Variants in DHX57 observed in about 807,000 individuals in gnomAD.
DHX57 encodes DExH-box helicase 57.
In DHX57, 105 loss-of-function variants were observed where a neutral mutation model predicts 156.2. That is an observed-to-expected ratio of 0.67 (90% CI 0.57 to 0.79). The LOEUF (loss-of-function observed/expected upper bound fraction) is 0.79, where lower values mean the gene tolerates loss of function less well. Among genes scored for constraint, DHX57 ranks in the 30% least tolerant of loss-of-function variants. The pLI is 0.00. For missense variants in DHX57, 1,847 were observed against 1,661.9 expected, an observed-to-expected ratio of 1.11 and a Z score of -1.94; for synonymous variants, 704 against 595.6, an observed-to-expected ratio of 1.18 and a Z score of -2.65.
At position 38,868,377 on chromosome 2, in the gene DHX57, T is replaced by G. The variant is rs754210493; in HGVS notation, c.29A>C (p.Lys10Thr). The G allele has an allele frequency of 1.2e-6, 2 of 1,613,502 alleles. No homozygotes were observed. Among genetic ancestry groups the G allele is most frequent in the East Asian group, 4.5e-5 (2 of 44,884 alleles). Reference sequence around the variant, plus strand: ...CCCTTTTCCACCTCCTTTGCCTGGCTTGCCTTTTCTTCTTACTGAAGAACT... The same window carrying G: ...CCCTTTTCCACCTCCTTTGCCTGGCGTGCCTTTTCTTCTTACTGAAGAACT... The part of the protein sequence containing the change: MSSSVRRKG[K>T]PGKGGGKGSS... The change falls in exon 2 of 24, where the codon AAG becomes ACG. Residue 10 changes from lysine to threonine, a missense_variant. Transcript: ENST00000457308.
intron 4 of DHX57, 45 bp from the exon 5 acceptor site, chr2:38,861,882 A>G: frequency 6.6e-7 from 1 of 1,518,486 alleles, no homozygotes; most frequent in Non-Finnish European, 8.9e-7. Context: ...AAAAAGCAGT[A>G]TCACACCATT....
At chr2:38,828,565 T>C in intron 13 of DHX57, 129 bp from the exon 14 acceptor site, 1 of 611,040 alleles carries the variant, frequency 1.6e-6, no homozygotes, top group Non-Finnish European at 2.7e-6. Context: ...AAGCTGTTTT[T>C]AACCAAAATA....
chr2:38,850,936 G>C (rs961693770), intron 9 of DHX57, among the ~76,000 whole-genome samples: 2 of 152,098 alleles, frequency 1.3e-5, no homozygotes, highest in Non-Finnish European at 2.9e-5. Flanking sequence ...AATTAGCCAG[G>C]CCTGGTGGCG....
chr2:38,805,892 T>A (rs1014684138), intron 22 of DHX57, among the ~76,000 whole-genome samples: 5 of 152,132 alleles, frequency 3.3e-5, no homozygotes, highest in Non-Finnish European at 7.4e-5. Context: ...AGTGCTGTTG[T>A]GCCTTTGGTG....
intron 17 of DHX57, among the ~76,000 whole-genome samples, 174 bp from the exon 18 acceptor site, chr2:38,819,318 G>T (rs1323349646): frequency 6.6e-6 from 1 of 152,092 alleles, no homozygotes; most frequent in Non-Finnish European, 1.5e-5. Flanking sequence ...GGGACTATAG[G>T]TGTGCCCCAT....
chr2:38,828,017 C>A (rs1671190920), intron 14 of DHX57, among the ~76,000 whole-genome samples: 1 of 152,106 alleles, frequency 6.6e-6, no homozygotes, highest in Non-Finnish European at 1.5e-5. Context: ...CCACCACACC[C>A]AGCTAATTTT....
In DHX57 at chr2:38,798,356, C is replaced by G; in HGVS notation, c.4104G>C (p.Thr1368=). The change falls in exon 24 of 24, where the codon ACG becomes ACC. Residue 1368 remains threonine (T), a synonymous_variant. Coordinates refer to ENST00000457308, the MANE Select transcript of DHX57 (RefSeq NM_198963.3). ...TGATGATCCGGGATCCTCGAGGACA[C>G]GTACACAGATCAATGCTTGGGTTTT... is the stretch of plus-strand genomic sequence containing the variant. ...KIKNPSIDLC[T]CPRGSRIIST... 1.2e-6 allele frequency: 2 copies of G among 1,614,108 alleles called. No individual in the cohort carries two copies. Among genetic ancestry groups the G allele is most frequent in the South Asian group, 1.1e-5 (1 of 91,068 alleles).
At chr2:38,853,812 G>A in intron 9 of DHX57, 1 of 299,520 alleles carries the variant, frequency 3.3e-6, no homozygotes, top group Admixed American at 4.6e-5. Context: ...AGGATGGTGT[G>A]AAGTATACCT....
At chr2:38,854,201 A>G in intron 8 of DHX57, 23 bp from the exon 9 acceptor site, 1 of 1,603,606 alleles carries the variant, frequency 6.2e-7, no homozygotes, top group Non-Finnish European at 8.5e-7. Context: ...AGGGCAATAT[A>G]AATCATTAAT....
At chr2:38,841,710 G>A (rs1226419223) in intron 12 of DHX57, among the ~76,000 whole-genome samples, 1 of 152,142 alleles carries the variant, frequency 6.6e-6, no homozygotes, top group Non-Finnish European at 1.5e-5. Context: ...GGAGCAAGAA[G>A]GACAGCTGAG....
chr2:38,830,461 C>T lies in DHX57; in HGVS notation c.2543-2025G>A, dbSNP rs377042935. Among the ~76,000 whole-genome samples the T allele has an allele frequency of 3.2e-4, 48 of 152,116 alleles. 1 individual carries two copies. The South Asian group carries it at 1.0e-2, about 32-fold the overall frequency. ...TGACCAACATGGTGAAACCCCATCT[C>T]TACTAAAAATACAAAAATTAGCCTG... is the stretch of plus-strand genomic sequence containing the variant. On this transcript the variant is annotated intron_variant, in intron 13 of 23. Coordinates refer to ENST00000457308, the MANE Select transcript of DHX57 (RefSeq NM_198963.3).
intron 19 of DHX57, among the ~76,000 whole-genome samples, chr2:38,818,492 C>T (rs1670655197): frequency 6.6e-6 from 1 of 152,170 alleles, no homozygotes; most frequent in Non-Finnish European, 1.5e-5. Flanking sequence ...CGCACCACTG[C>T]ATTCCAGCCT....
chr2:38,862,216 A>G lies in DHX57; in HGVS notation c.501T>C (p.Ala167=). ...CATAAGGCTCCACTGAGGCTAAGCC[A>G]GCATATTCCAAAGGATCCAAGTCGG... The part of the protein sequence containing the change: ...LVPDLDPLEY[A]GLASVEPYVP... Residue 167 remains alanine (A), a synonymous_variant, in exon 4 of 24, where the codon GCT becomes GCC. Transcript: ENST00000457308. The G allele has an allele frequency of 6.2e-7, 1 of 1,614,028 alleles. No homozygotes were observed. The highest frequency in any genetic ancestry group is 8.5e-7 in the Non-Finnish European group (1 of 1,179,918).
rs758245241 is a variant in DHX57, at chr2:38,861,347, G to C, written c.1063C>G (p.Leu355Val). 1.9e-6 allele frequency: 3 copies of C among 1,613,548 alleles called. No individual in the cohort carries two copies. Among genetic ancestry groups the C allele is most frequent in the East Asian group, 4.5e-5 (2 of 44,870 alleles). The stretch of plus-strand genomic sequence containing the variant: ...TGGTCTTTAGAAAATCGAATTTCAA[G>C]TTCATATAAAAAAGATGCATCTTCA... Reference protein sequence around the residue: ...AIEDASFLYELEIRFSKDHKY... With the variant: ...AIEDASFLYEVEIRFSKDHKY... Residue 355 changes from leucine to valine, a missense_variant, in exon 5 of 24, where the codon CTT becomes GTT. Coordinates refer to ENST00000457308, the MANE Select transcript of DHX57 (RefSeq NM_198963.3).
intron 9 of DHX57, 160 bp downstream of exon 9, chr2:38,853,894 G>A: frequency 3.3e-6 from 2 of 608,066 alleles, no homozygotes; most frequent in Non-Finnish European, 2.8e-6. Context: ...TACAGACCCT[G>A]GAGATCAAGA....
chr2:38,872,004 G>A (rs766277826), intron 1 of DHX57, among the ~76,000 whole-genome samples: 22 of 152,000 alleles, frequency 1.4e-4, no homozygotes, highest in Non-Finnish European at 2.8e-4. Flanking sequence ...CACCGCGCCC[G>A]GCCTAATAAC....
At chr2:38,826,074 G>A (rs772052397) in intron 15 of DHX57, 27 bp from the exon 16 acceptor site, 1 of 1,602,596 alleles carries the variant, frequency 6.2e-7, no homozygotes, top group Non-Finnish European at 8.5e-7. Context: ...AATATAAATT[G>A]AGTCATTTTA....
intron 13 of DHX57, among the ~76,000 whole-genome samples, chr2:38,835,143 C>G (rs1033884030): frequency 5.3e-5 from 8 of 152,070 alleles, no homozygotes; most frequent in African/African-American, 9.7e-5. Context: ...TTAAGAAAAT[C>G]ATTGAGGAGA....
intron 23 of DHX57, among the ~76,000 whole-genome samples, chr2:38,798,817 G>A (rs199510767): frequency 3.3e-5 from 5 of 152,102 alleles, no homozygotes; most frequent in African/African-American, 4.8e-5. Flanking sequence ...GGTGGCATGC[G>A]CCTGTAATCC....
Sources: gnomAD v4.1 joint callset for allele counts (sites outside exome capture counted in the v4.1 genomes callset) on GRCh38, gnomAD v4.1.1 for gene constraint, MANE v1.5 for transcripts, NCBI Gene and HGNC (gene_info 2026-07-23, HGNC 2026-07-21) for gene names.